KCNN1: variants seen among roughly 807,000 people sequenced by gnomAD.
The protein encoded by KCNN1 is potassium calcium-activated channel subfamily N member 1, also known as small conductance calcium-activated potassium channel protein 1.
In KCNN1, 20 loss-of-function variants were observed where a neutral mutation model predicts 44.7. That is an observed-to-expected ratio of 0.45 (90% confidence interval 0.32 to 0.65). KCNN1 has a LOEUF of 0.65. Among genes scored for constraint, KCNN1 ranks in the 30% least tolerant of loss-of-function variants. The pLI, the probability that KCNN1 is intolerant of heterozygous loss-of-function variation, is 0.05. For synonymous variants in KCNN1, 324 were observed against 341.7 expected (o/e 0.95, Z 0.57); for missense variants, 632 against 785.3 (o/e 0.80, Z 2.33).
intron 1 of KCNN1, chr19:17,952,091 G>A (rs1179842329): frequency 6.6e-6 from 1 of 152,182 alleles, no homozygotes; most frequent in Non-Finnish European, 1.5e-5. Context: ...TTCCATCCCT[G>A]CTTTAGAGGA....
chr19:17,961,254 C>G (rs1432207626), intron 2 of KCNN1, among the ~76,000 whole-genome samples: 2 of 151,338 alleles, frequency 1.3e-5, no homozygotes, highest in Non-Finnish European at 2.9e-5. Flanking sequence ...CCACTATGAC[C>G]CCCTCTTCAT....
intron 3 of KCNN1, among the ~76,000 whole-genome samples, chr19:17,975,593 G>A (rs899388141): frequency 1.3e-5 from 2 of 152,004 alleles, no homozygotes; most frequent in Admixed American, 6.6e-5. Flanking sequence ...GCTAATTTTT[G>A]TATTTCTAGT....
intron 3 of KCNN1, among the ~76,000 whole-genome samples, chr19:17,977,923 G>A (rs1403051820): frequency 3.3e-5 from 5 of 152,038 alleles, no homozygotes; most frequent in African/African-American, 1.2e-4. Flanking sequence ...GAAATTTTCA[G>A]AAGATGCAAA....
intron 7 of KCNN1, among the ~76,000 whole-genome samples, chr19:17,990,911 G>A (rs2145968952): frequency 6.6e-6 from 1 of 152,134 alleles, no homozygotes; most frequent in Middle Eastern, 3.4e-3. Flanking sequence ...TAAATCCTTG[G>A]CTGCTCATTG....
At position 17,981,869 on chromosome 19, in the gene KCNN1, C is replaced by T. The variant is rs2145946021; in HGVS notation, c.659C>T (p.Ser220Leu). Residue 220 changes from serine (S) to leucine (L), a missense_variant, in exon 4 of 10, where the codon TCG becomes TTG. By Grantham distance (145) the Ser-to-Leu change is moderately radical (BLOSUM62 -2). Around this residue, in one of 3 missense-constraint regions of KCNN1, gnomAD observed 160 missense variants for 308.3 expected, o/e 0.52. Transcript: ENST00000684775. The part of the protein sequence containing the change: ...TARLAFTYAP[S>L]VAEADVDVLL... ...CGGCTGGCCTTCACGTACGCGCCCT[C>T]GGTGGCCGAGGCCGACGTGGACGTG... 6.2e-7 allele frequency: 1 copy of T among 1,612,584 alleles called. No individual in the cohort carries two copies.
rs972705311 is a variant in KCNN1 at position 17,980,100 on chromosome 19, G to A, written c.499-1609G>A. Among the ~76,000 whole-genome samples the A allele has an allele frequency of 4.1e-5, 6 of 146,710 alleles. No individual in the cohort carries two copies. In the Admixed American group the frequency reaches 4.1e-4, roughly 10 times the overall value. ...TTTATCGAGACAAGAGTCTCACTCT[G>A]TTGCCCAGGCTGGAGTGCAGTGGCG... is the stretch of plus-strand genomic sequence containing the variant. On this transcript the variant is annotated intron_variant, in intron 3 of 9. Coordinates refer to ENST00000684775, the MANE Select transcript of KCNN1 (RefSeq NM_001386974.1).
Position 17,998,407 on chromosome 19 carries a change from C to T in KCNN1, c.*1C>T, listed in dbSNP as rs767726160. 23 of 1,466,474 alleles carry T rather than the reference C, an allele frequency of 1.6e-5. No individual in the cohort carries two copies. The highest frequency in any genetic ancestry group is 2.8e-5 in the South Asian group (2 of 71,424). 90.8% of individuals were successfully genotyped at this position (1,466,474 alleles called of 1,614,324 possible). ...CGTGGCCCCCTCGGACTGCGGGTGA[C>T]GGCCCTGCCCGCCACCAGACCCCTA... On this transcript the variant is annotated 3_prime_UTR_variant, in exon 10 of 10. Coordinates refer to ENST00000684775, the MANE Select transcript of KCNN1 (RefSeq NM_001386974.1). The surrounding 1 kb of genome is among the most constrained non-coding windows in gnomAD (Gnocchi z 5.4).
At chr19:17,995,881 C>T (rs1220711364) in intron 9 of KCNN1, among the ~76,000 whole-genome samples, 3 of 152,126 alleles carry the variant, frequency 2.0e-5, no homozygotes, top group Admixed American at 6.6e-5. Context: ...CCACTGTGCC[C>T]GGCCTCATAT....
intron 3 of KCNN1, among the ~76,000 whole-genome samples, chr19:17,976,586 T>C (rs2032214816): frequency 1.3e-5 from 2 of 151,690 alleles, no homozygotes; most frequent in African/African-American, 4.8e-5. Context: ...ACCCAGCTAA[T>C]TTTGTATTTT....
At chr19:17,986,377 GAAAA>G in intron 5 of KCNN1, among the ~76,000 whole-genome samples, 3 of 145,292 alleles carry the variant, frequency 2.1e-5, no homozygotes, top group African/African-American at 7.7e-5. Context: ...AAAAAAAAAA[GAAAA>G]AAGAAACCTG....
upstream of KCNN1, among the ~76,000 whole-genome samples, chr19:17,966,366 A>G (rs925617468): frequency 6.6e-6 from 1 of 152,038 alleles, no homozygotes; most frequent in African/African-American, 2.4e-5. Context: ...CTCCCTACCC[A>G]CTGGTCCCCA....
Position 17,974,079 on chromosome 19 carries a change from A to G in KCNN1, c.191A>G (p.Gln64Arg), listed in dbSNP as rs546938071. The G allele has an allele frequency of 1.2e-6, 2 of 1,611,692 alleles. No individual in the cohort carries two copies. The highest frequency in any genetic ancestry group is 2.2e-5 in the South Asian group (2 of 91,086). ...PSPGSPRGQP[Q>R]DQDDDEDDEE... The stretch of plus-strand genomic sequence containing the variant: ...CCCGGCAGCCCCCGGGGGCAGCCCC[A>G]GGACCAGGACGATGACGAGGATGAT... Residue 64 changes from glutamine to arginine, a missense_variant, in exon 2 of 10, where the codon CAG becomes CGG. This residue lies in a region of KCNN1 where 235 missense variants were observed against 224.0 expected (regional missense o/e 1.05). Transcript: ENST00000684775. The surrounding 1 kb of genome is among the most constrained non-coding windows in gnomAD (Gnocchi z 7.3).
chr19:17,965,384 G>A (rs1242440698), upstream of KCNN1, among the ~76,000 whole-genome samples: 1 of 152,174 alleles, frequency 6.6e-6, no homozygotes, highest in South Asian at 2.1e-4. Flanking sequence ...TCCTGCAAGG[G>A]CTGGGTTGAG....
chr19:17,969,658 TC>T (rs1300117927), intron 1 of KCNN1, among the ~76,000 whole-genome samples: 1 of 152,132 alleles, frequency 6.6e-6, no homozygotes, highest in African/African-American at 2.4e-5. Context: ...CTGAGTCACA[TC>T]CCCAAATTGC....
At chr19:17,996,167 A>C (rs1229577037) in intron 9 of KCNN1, among the ~76,000 whole-genome samples, 1 of 43,088 alleles carries the variant, frequency 2.3e-5, no homozygotes, top group Non-Finnish European at 5.2e-5. Context: ...CCATTGCTAC[A>C]AAAAAAAAAA....
At position 17,998,192 on chromosome 19, in the gene KCNN1, C is replaced by T. The variant is rs1279043002; in HGVS notation, c.1418C>T (p.Ala473Val). 1.9e-6 allele frequency: 3 copies of T among 1,598,828 alleles called. No individual in the cohort carries two copies. Among genetic ancestry groups the T allele is most frequent in the African/African-American group, 1.3e-5 (1 of 74,654 alleles). The change falls in exon 10 of 10, where the codon GCT becomes GTT. Residue 473 changes from alanine (A) to valine (V), a missense_variant. This residue lies in a region of KCNN1 where 237 missense variants were observed against 253.0 expected (regional missense o/e 0.94). Coordinates refer to ENST00000684775, the MANE Select transcript of KCNN1 (RefSeq NM_001386974.1). This position sits in a 1 kb window ranked among gnomAD's most constrained non-coding sequence, Gnocchi z 5.4. ...VMYDLVSELH[A>V]QHEELEARLA... ...TACGACCTTGTATCGGAGCTGCACGCTCAGCACGAGGAGCTGGAGGCCCGC... is the reference window on the plus strand; with the variant it reads ...TACGACCTTGTATCGGAGCTGCACGTTCAGCACGAGGAGCTGGAGGCCCGC...
In KCNN1 at chr19:17,999,675, C is replaced by T. The variant is rs2033119737; in HGVS notation, c.*1269C>T. ...TCCCTGGAGGCCATGGGCTTGGGTG[C>T]TGGGAGCAACAGGCATTTACTTGGC... is the stretch of plus-strand genomic sequence containing the variant. On this transcript the variant is annotated 3_prime_UTR_variant, in exon 10 of 10. Transcript: ENST00000684775. The T allele has an allele frequency of 7.8e-6, 2 of 256,196 alleles. No homozygotes were observed. The highest frequency in any genetic ancestry group is 4.3e-5 in the Admixed American group (1 of 23,118). 15.9% of individuals were successfully genotyped at this position (256,196 alleles called of 1,614,324 possible).
chr19:17,989,662 A>G, intron 6 of KCNN1, 54 bp from the exon 7 acceptor site: 1 of 1,611,122 alleles, frequency 6.2e-7, no homozygotes, highest in Non-Finnish European at 8.5e-7. Flanking sequence ...ACATTTCTGG[A>G]GCCTTTTGGA....
chr19:17,967,244 C>T lies in KCNN1; in HGVS notation c.-155C>T. The T allele has an allele frequency of 1.0e-6, 1 of 984,612 alleles. No individual in the cohort carries two copies. Among genetic ancestry groups the T allele is most frequent in the Middle Eastern group, 5.2e-4 (1 of 1,912 alleles). The allele number at this position is 984,612 out of a possible 1,614,324, so 61.0% of individuals were successfully genotyped here. On this transcript the variant is annotated 5_prime_UTR_variant, in exon 1 of 10. Coordinates refer to ENST00000684775, the MANE Select transcript of KCNN1 (RefSeq NM_001386974.1). ...CGTCCGCGACCCCGGCTCCGGCTCC[C>T]GACTGGGGGTCCGCGGCCGCGCGGG...
Sources: gnomAD v4.1 joint callset for allele counts (sites outside exome capture counted in the v4.1 genomes callset) on GRCh38, gnomAD v4.1.1 for gene constraint, gnomAD v4.1.1 regional missense constraint, Gnocchi (gnomAD v3.1) non-coding constraint, MANE v1.5 for transcripts, NCBI Gene and HGNC (gene_info 2026-07-23, HGNC 2026-07-21) for gene names.